The following PLA2G2A variants were observed in gnomAD, a reference collection of about 807,000 sequenced individuals.
PLA2G2A encodes phospholipase A2, membrane associated.
Under a neutral mutation model 11.2 loss-of-function variants are expected in PLA2G2A, and 6 were observed. That is an observed-to-expected ratio of 0.54 (90% CI 0.29 to 1.06). The LOEUF is 1.06. Ranked by LOEUF, PLA2G2A falls within the 50% of genes least tolerant of loss-of-function variation. The probability of loss-of-function intolerance (pLI) is 0.08; values close to 1 mark genes in which losing one functional copy is unlikely to be tolerated. For synonymous variants in PLA2G2A, 69 were observed against 65.8 expected, an observed-to-expected ratio of 1.05 and a Z score of -0.23; for missense variants, 133 against 177.1, an observed-to-expected ratio of 0.75 and a Z score of 1.41.
At chr1:19,975,916 G>T in intron 4 of PLA2G2A, 73 bp from the exon 5 acceptor site, 1 of 1,333,854 alleles carries the variant, frequency 7.5e-7, no homozygotes, top group Non-Finnish European at 1.1e-6. Context: ...GAACCCTGGG[G>T]TAGAAGACAC....
chr1:19,975,603 G>A (rs1009647286), downstream of PLA2G2A: 1 of 1,133,650 alleles, frequency 8.8e-7, no homozygotes, highest in South Asian at 1.2e-5. Context: ...GGTGAGGGAT[G>A]CTTTCTGCAT....
chr1:19,978,153 C>T (rs767234605), intron 3 of PLA2G2A, 32 bp from the exon 4 acceptor site: 6 of 1,518,988 alleles, frequency 4.0e-6, no homozygotes, highest in South Asian at 3.4e-5. Flanking sequence ...GGGCTCTTGT[C>T]CCACAGCTCC....
At position 19,975,952 on chromosome 1, in the gene PLA2G2A, T is replaced by C. The variant is rs958346242; in HGVS notation, c.293-109A>G. The C allele has an allele frequency of 2.1e-5, 19 of 926,656 alleles. No homozygotes were observed. The East Asian group carries it at 2.9e-4, about 14-fold the overall frequency. The allele number at this position is 926,656 out of a possible 1,614,324, so 57.4% of individuals were successfully genotyped here. A position where few individuals can be genotyped will look rare whatever the true frequency, so the allele number is the denominator to read the frequency against. ...AGCCCTGTCCTCCAGAAGCTCCTAG[T>C]TGGAGACAAACACCTGCGCTCCAGA... On this transcript the variant is annotated intron_variant, in intron 4 of 4. Transcript: ENST00000482011.
At chr1:19,978,623 CT>C (rs1302515622) in intron 2 of PLA2G2A, 99 bp from the exon 3 acceptor site, 6 of 1,599,318 alleles carry the variant, frequency 3.8e-6, no homozygotes, top group South Asian at 1.1e-5. Context: ...CAAATGGCTT[CT>C]TTTTTCCCCC....
intron 4 of PLA2G2A, 48 bp downstream of exon 4, chr1:19,977,967 A>T (rs187038951): frequency 2.7e-6 from 3 of 1,091,312 alleles, no homozygotes; most frequent in African/African-American, 3.1e-5. Context: ...AGTCCCCAGC[A>T]CTGTCTAAAC....
chr1:19,978,235 G>A lies in PLA2G2A; in HGVS notation c.186-114C>T, dbSNP rs1056273092. ...GACCCAGTGACTTTGCAACAGTCTA[G>A]AGCAGAAGTTCCAACATGCCGGCTG... On this transcript the variant is annotated intron_variant, in intron 3 of 4. Transcript: ENST00000482011. 58 of 1,338,922 alleles carry A rather than the reference G, an allele frequency of 4.3e-5. No homozygotes were observed. The Admixed American group carries it at 9.6e-4, about 22-fold the overall frequency. The allele number at this position is 1,338,922 out of a possible 1,614,324, so 82.9% of individuals were successfully genotyped here.
In PLA2G2A at chr1:19,975,675, TG is replaced by T; in HGVS notation, c.*25del. On this transcript the variant is annotated 3_prime_UTR_variant, in exon 5 of 5. Coordinates refer to ENST00000482011, the Ensembl canonical transcript of PLA2G2A. ...TGAGAGAGGGAAATTCAGCACTGGG[TG>T]GAAGGTTTCCAGGGAAGAGGGGACT... The T allele has an allele frequency of 3.7e-6, 6 of 1,610,154 alleles. No homozygotes were observed. In the South Asian group the frequency reaches 5.5e-5, roughly 15 times the overall value.
At chr1:19,980,359 C>G (rs1342090175), upstream of PLA2G2A, 1 of 152,430 alleles carries the variant, frequency 6.6e-6, no homozygotes, top group Non-Finnish European at 1.5e-5. Context: ...TCCCCATCCT[C>G]ACCTGTTTGG....
intron 1 of PLA2G2A, 30 bp from the exon 2 acceptor site, chr1:19,978,909 A>G: frequency 1.3e-6 from 1 of 793,068 alleles, no homozygotes; most frequent in Admixed American, 2.0e-5. Context: ...TCTCCCATCC[A>G]ACCTAAGTCC....
At chr1:19,975,643 G>A (rs2046208965), downstream of PLA2G2A, 1 of 1,515,158 alleles carries the variant, frequency 6.6e-7, no homozygotes, top group Non-Finnish European at 9.2e-7. Context: ...GGTAGGGAGG[G>A]AGGGTATGAG....
At chr1:19,975,892 G>A (rs2046213535) in intron 4 of PLA2G2A, 49 bp from the exon 5 acceptor site, 1 of 1,535,628 alleles carries the variant, frequency 6.5e-7, no homozygotes, top group East Asian at 2.3e-5. Flanking sequence ...TTAATATTCA[G>A]TGGCTTCTTG....
chr1:19,975,632 G>T (rs2046208808), downstream of PLA2G2A: 1 of 1,442,530 alleles, frequency 6.9e-7, no homozygotes, highest in South Asian at 1.1e-5. Context: ...AACTTGGTTA[G>T]GGTAGGGAGG....
At chr1:19,980,224 C>T (rs1462267063), upstream of PLA2G2A, 1 of 152,300 alleles carries the variant, frequency 6.6e-6, no homozygotes, top group African/African-American at 2.4e-5. Context: ...GGGCCAGGGC[C>T]TCAACTTTCT....
At chr1:19,975,882 T>C in intron 4 of PLA2G2A, 39 bp from the exon 5 acceptor site, 2 of 1,596,872 alleles carry the variant, frequency 1.3e-6, no homozygotes, top group South Asian at 2.2e-5. Flanking sequence ...TGGGAGTTTA[T>C]TAATATTCAG....
intron 1 of PLA2G2A, among the ~76,000 whole-genome samples, chr1:19,979,347 A>G (rs1461800786): frequency 6.6e-6 from 1 of 152,034 alleles, no homozygotes; most frequent in Admixed American, 6.5e-5. Context: ...AAGTTCCCAA[A>G]CACATACATG....
At chr1:19,978,038 T>C (rs567479516) in exon 4 of PLA2G2A, 2 of 1,611,562 alleles carry the variant, frequency 1.2e-6, no homozygotes, top group South Asian at 2.2e-5. Context: ...GCTCCCCGAG[T>C]TGCTAAACTT....
chr1:19,977,114 A>C (rs818958), intron 4 of PLA2G2A, among the ~76,000 whole-genome samples: 7,216 of 152,078 alleles, frequency 0.047, 382 homozygotes, highest in African/African-American at 0.12. Context: ...CCAGTCCTGA[A>C]TTCTCCCCTG....
At chr1:19,978,195 T>C (rs1197215835) in intron 3 of PLA2G2A, 74 bp from the exon 4 acceptor site, 4 of 1,366,548 alleles carry the variant, frequency 2.9e-6, no homozygotes, top group South Asian at 2.3e-5. Flanking sequence ...CTCACCCCCT[T>C]GGACCCTGGG....
At chr1:19,978,072 A>G in exon 4 of PLA2G2A, 6 of 1,614,108 alleles carry the variant, frequency 3.7e-6, no homozygotes, top group Non-Finnish European at 5.1e-6. Context: ...TTGGTGCCAC[A>G]TCCACGTTTC....
Sources: gnomAD v4.1 joint callset for allele counts (sites outside exome capture counted in the v4.1 genomes callset) on GRCh38, gnomAD v4.1.1 for gene constraint, MANE v1.5 for transcripts, NCBI Gene and HGNC (gene_info 2026-07-23, HGNC 2026-07-21) for gene names.